Variants in ST3GAL3 observed in about 807,000 individuals in gnomAD.
The protein encoded by ST3GAL3 is CMP-N-acetylneuraminate-beta-1,4-galactoside alpha-2,3-sialyltransferase.
Under a neutral mutation model 50.1 loss-of-function variants are expected in ST3GAL3, and 21 were observed. The ratio of observed to expected loss-of-function variants is 0.42; its 90% CI spans 0.30 to 0.60. ST3GAL3 has a LOEUF of 0.60. ST3GAL3 is among the 20% of genes least tolerant of loss of function. The pLI, the probability that ST3GAL3 is intolerant of heterozygous loss-of-function variation, is 0.19. For missense variants in ST3GAL3, 353 were observed against 489.4 expected (o/e 0.72, Z 2.63); for synonymous variants, 183 against 190.0 (o/e 0.96, Z 0.30).
chr1:43,743,117 GAA>G (rs1310582555), intron 2 of ST3GAL3, among the ~76,000 whole-genome samples: 1 of 148,954 alleles, frequency 6.7e-6, no homozygotes, highest in Non-Finnish European at 1.5e-5. Flanking sequence ...AATTGGGCAG[GAA>G]AAAAAATAAC....
intron 6 of ST3GAL3, 32 bp from the exon 7 acceptor site, chr1:43,898,203 C>T (rs755233662): frequency 1.2e-6 from 2 of 1,611,170 alleles, no homozygotes; most frequent in Non-Finnish European, 1.7e-6. Context: ...GTAAGTGACC[C>T]TGTAACAGAA....
At chr1:43,765,217 T>A (rs914691607) in intron 2 of ST3GAL3, among the ~76,000 whole-genome samples, 3 of 152,040 alleles carry the variant, frequency 2.0e-5, no homozygotes, top group Admixed American at 6.5e-5. Context: ...ATCTAGTGAC[T>A]CCCCCAGGCC....
At chr1:43,855,208 A>G (rs1352436972) in intron 5 of ST3GAL3, among the ~76,000 whole-genome samples, 1 of 152,202 alleles carries the variant, frequency 6.6e-6, no homozygotes, top group African/African-American at 2.4e-5. Flanking sequence ...TAGAGCACCT[A>G]CCGTGTGCCA....
chr1:43,882,088 G>A (rs1353688649), intron 5 of ST3GAL3, among the ~76,000 whole-genome samples: 2 of 152,242 alleles, frequency 1.3e-5, no homozygotes, highest in Non-Finnish European at 2.9e-5. Flanking sequence ...TGTGCTAAGA[G>A]GTCACTGTGC....
At chr1:43,741,045 G>A (rs1038392317) in intron 2 of ST3GAL3, among the ~76,000 whole-genome samples, 1 of 152,148 alleles carries the variant, frequency 6.6e-6, no homozygotes, top group South Asian at 2.1e-4. Flanking sequence ...AAAAATTCAT[G>A]ACTGGGTGAG....
At chr1:43,927,769 G>A (rs989953472) in intron 11 of ST3GAL3, among the ~76,000 whole-genome samples, 2 of 151,632 alleles carry the variant, frequency 1.3e-5, no homozygotes, top group African/African-American at 2.4e-5. Flanking sequence ...CAATGAGGAG[G>A]GGCAAGTGCA....
intron 11 of ST3GAL3, among the ~76,000 whole-genome samples, chr1:43,926,406 A>G (rs2083940047): frequency 6.6e-6 from 1 of 152,142 alleles, no homozygotes; most frequent in African/African-American, 2.4e-5. Context: ...CCTGACCAAC[A>G]TGGAGAAACC....
At chr1:43,884,508 G>A (rs2075665571) in intron 5 of ST3GAL3, among the ~76,000 whole-genome samples, 1 of 152,172 alleles carries the variant, frequency 6.6e-6, no homozygotes, top group African/African-American at 2.4e-5. Flanking sequence ...GCAGCAGCTA[G>A]ATCCCAAGCA....
At chr1:43,831,387 T>C (rs2063523155) in intron 4 of ST3GAL3, among the ~76,000 whole-genome samples, 1 of 152,194 alleles carries the variant, frequency 6.6e-6, no homozygotes, top group Non-Finnish European at 1.5e-5. Flanking sequence ...TTACTAAGGA[T>C]TTAGAACAAT....
intron 4 of ST3GAL3, among the ~76,000 whole-genome samples, chr1:43,825,061 A>T (rs2062609799): frequency 6.6e-6 from 1 of 152,216 alleles, no homozygotes; most frequent in Non-Finnish European, 1.5e-5. Flanking sequence ...CACTACCCAG[A>T]GATTCTGATT....
At chr1:43,767,763 T>G (rs1693637703) in intron 2 of ST3GAL3, among the ~76,000 whole-genome samples, 1 of 151,184 alleles carries the variant, frequency 6.6e-6, no homozygotes, top group Non-Finnish European at 1.5e-5. Context: ...CCATGGCACG[T>G]GTTTACCCAT....
intron 2 of ST3GAL3, among the ~76,000 whole-genome samples, chr1:43,790,602 A>G (rs552714942): frequency 1.3e-5 from 2 of 151,378 alleles, no homozygotes; most frequent in South Asian, 4.2e-4. Context: ...GAAATGTAGA[A>G]TATACAATCT....
intron 1 of ST3GAL3, among the ~76,000 whole-genome samples, chr1:43,712,709 T>G (rs1665391330): frequency 6.6e-6 from 1 of 152,124 alleles, no homozygotes; most frequent in Admixed American, 6.6e-5. Context: ...AAATCAGTAG[T>G]TATTAGCTGG....
At chr1:43,723,766 C>G (rs1001687966) in intron 1 of ST3GAL3, among the ~76,000 whole-genome samples, 1 of 152,090 alleles carries the variant, frequency 6.6e-6, no homozygotes, top group Non-Finnish European at 1.5e-5. Flanking sequence ...CACACATCAC[C>G]ATGCCTGGCT....
At chr1:43,846,982 A>C (rs1027376997) in intron 5 of ST3GAL3, among the ~76,000 whole-genome samples, 2 of 152,224 alleles carry the variant, frequency 1.3e-5, no homozygotes, top group African/African-American at 4.8e-5. Context: ...AAAAGCGGGT[A>C]GAGAACTTGA....
intron 9 of ST3GAL3, among the ~76,000 whole-genome samples, chr1:43,902,085 C>CT (rs2078378583): frequency 6.6e-6 from 1 of 152,242 alleles, no homozygotes; most frequent in Non-Finnish European, 1.5e-5. Flanking sequence ...TCCCTGGCAT[C>CT]TGAGACCCAG....
intron 3 of ST3GAL3, among the ~76,000 whole-genome samples, chr1:43,795,890 T>C (rs1024518879): frequency 3.3e-5 from 5 of 152,156 alleles, no homozygotes; most frequent in African/African-American, 1.2e-4. Context: ...TATTTTCCCT[T>C]CAGTGTCCCA....
At chr1:43,859,391 C>T (rs942734971) in intron 5 of ST3GAL3, among the ~76,000 whole-genome samples, 3 of 152,098 alleles carry the variant, frequency 2.0e-5, no homozygotes, top group African/African-American at 7.2e-5. Flanking sequence ...GAAACCCCAT[C>T]TCTACCAAAA....
At chr1:43,794,477 C>T (rs1308007189) in intron 3 of ST3GAL3, among the ~76,000 whole-genome samples, 1 of 152,176 alleles carries the variant, frequency 6.6e-6, no homozygotes, top group Non-Finnish European at 1.5e-5. Flanking sequence ...TAATTTGGTA[C>T]AACCACTGTG....
Sources: allele counts gnomAD v4.1 joint callset (sites outside exome capture counted in the v4.1 genomes callset), GRCh38; gene constraint gnomAD v4.1.1; transcripts MANE v1.5; gene names NCBI Gene and HGNC (gene_info 2026-07-23, HGNC 2026-07-21).